NXN: variants seen among roughly 807,000 people sequenced by gnomAD.
NXN encodes the protein nucleoredoxin 1.
In NXN, 16 loss-of-function variants were observed where a neutral mutation model predicts 48.6. The observed-to-expected ratio is 0.33, with a 90% CI of 0.22 to 0.50. The LOEUF is 0.50. NXN is among the 20% of genes least tolerant of loss of function. The pLI is 0.98. For missense variants in NXN, 492 were observed against 605.5 expected (o/e 0.81, Z 1.97); for synonymous variants, 281 against 269.6 (o/e 1.04, Z -0.41).
chr17:888,409 T>C (rs951096325), intron 1 of NXN, among the ~76,000 whole-genome samples: 1 of 151,946 alleles, frequency 6.6e-6, no homozygotes, highest in Non-Finnish European at 1.5e-5. Flanking sequence ...TCTGTAGAGA[T>C]GGGGTCTCGC....
rs149675282 is a variant in NXN at position 958,632 on chromosome 17, G to A, written c.360+20687C>T. 8.7e-3 allele frequency among the ~76,000 whole-genome samples: 1,327 copies of A among 152,268 alleles called. 20 individuals carry two copies. The highest frequency in any genetic ancestry group is 0.03 in the African/African-American group (1,253 of 41,550). On this transcript the variant is annotated intron_variant, in intron 1 of 7. Transcript: ENST00000336868. This position sits in a 1 kb window ranked among gnomAD's most constrained non-coding sequence, Gnocchi z 6.9. The stretch of plus-strand genomic sequence containing the variant: ...CTAAAAATACAAAAATTAGCCAGGC[G>A]TGGTGGCGTGCGCCTGTAGTCCCAG...
intron 1 of NXN, among the ~76,000 whole-genome samples, chr17:900,752 CT>C (rs1381573940): frequency 5.3e-5 from 8 of 152,070 alleles, no homozygotes; most frequent in African/African-American, 1.9e-4. Context: ...AAAAAAGTAC[CT>C]TTTTTTCTCT....
intron 1 of NXN, among the ~76,000 whole-genome samples, chr17:852,017 TA>T (rs1848811574): frequency 6.6e-6 from 1 of 152,166 alleles, no homozygotes; most frequent in African/African-American, 2.4e-5. Flanking sequence ...GTAGCTCAAT[TA>T]GGGGCGCCAG....
intron 5 of NXN, among the ~76,000 whole-genome samples, chr17:812,692 A>G (rs372784590): frequency 3.9e-5 from 4 of 101,926 alleles, no homozygotes; most frequent in Admixed American, 1.1e-4. Flanking sequence ...GTGTGCACAT[A>G]TGAATGTAGG....
intron 1 of NXN, among the ~76,000 whole-genome samples, chr17:969,092 CCT>C (rs1314924204): frequency 4.6e-5 from 7 of 152,140 alleles, no homozygotes; most frequent in Non-Finnish European, 1.0e-4. Flanking sequence ...AGGCTGAATT[CCT>C]CTCTCTTATA....
intron 2 of NXN, among the ~76,000 whole-genome samples, chr17:824,061 G>A (rs1398926795): frequency 7.2e-6 from 1 of 138,206 alleles, no homozygotes; most frequent in African/African-American, 2.8e-5. Context: ...TTTTTTTGAG[G>A]TAGAGTCTCA....
chr17:910,706 A>C (rs2068627942), intron 1 of NXN: 1 of 152,164 alleles, frequency 6.6e-6, no homozygotes, highest in African/African-American at 2.4e-5. Context: ...TCTTCAAGTA[A>C]CTGTACTCCT....
chr17:951,967 A>C (rs184040857), intron 1 of NXN, among the ~76,000 whole-genome samples: 41 of 152,152 alleles, frequency 2.7e-4, no homozygotes, highest in African/African-American at 8.7e-4. Context: ...GCCTGCCCTG[A>C]CCTCAGTCCC....
intron 1 of NXN, among the ~76,000 whole-genome samples, chr17:971,801 A>G (rs924271782): frequency 1.3e-5 from 2 of 152,236 alleles, no homozygotes; most frequent in Non-Finnish European, 2.9e-5. Flanking sequence ...CGGTAAATTC[A>G]ATGCAACACA....
At chr17:945,774 C>CAATG (rs1355830695) in intron 1 of NXN, among the ~76,000 whole-genome samples, 1 of 152,174 alleles carries the variant, frequency 6.6e-6, no homozygotes, top group Non-Finnish European at 1.5e-5. Context: ...AAGCCAGGCC[C>CAATG]AATGCCTGGG....
chr17:805,030 C>CCCCCCCCCCCCCCCCCCCCCCCCCCCG, intron 6 of NXN, 38 bp downstream of exon 6: 1 of 1,517,868 alleles, frequency 6.6e-7, no homozygotes. Context: ...TCCCGCCCCC[C>CCCCCCCCCCCCCCCCCCCCCCCCCCCG]AGCCACCCCT....
At position 803,669 on chromosome 17, in the gene NXN, C is replaced by G; in HGVS notation, c.1125+13G>C. The G allele has an allele frequency of 6.2e-7, 1 of 1,614,114 alleles. No individual in the cohort carries two copies. The highest frequency in any genetic ancestry group is 8.5e-7 in the Non-Finnish European group (1 of 1,179,998). ...TGAGCCAGCCCTGGGCCAAGCCTCT[C>G]CTCCGCACTCACCTCCCCGGCTACG... On this transcript the variant is annotated intron_variant, in intron 7 of 7. Transcript: ENST00000336868.
At chr17:840,975 G>A (rs1204815921) in intron 1 of NXN, among the ~76,000 whole-genome samples, 4 of 152,208 alleles carry the variant, frequency 2.6e-5, no homozygotes, top group South Asian at 2.1e-4. Flanking sequence ...GCACGGCGGC[G>A]GGAGGCAGAG....
intron 1 of NXN, among the ~76,000 whole-genome samples, chr17:896,447 CAGTG>C (rs1036951606): frequency 2.0e-5 from 3 of 151,940 alleles, no homozygotes; most frequent in African/African-American, 7.3e-5. Context: ...TTTGAGATTA[CAGTG>C]AGCTGTGATC....
In NXN at chr17:910,635, G is replaced by A. The variant is rs9907824; in HGVS notation, c.360+68684C>T. ...TTTAAAAAAGCAACATACTTTCTAC[G>A]TACAGCATTATTGCTCCAATGAATT... On this transcript the variant is annotated intron_variant, in intron 1 of 7. Coordinates refer to ENST00000336868, the MANE Select transcript of NXN (RefSeq NM_022463.5). 1.6e-4 allele frequency: 24 copies of A among 152,100 alleles called. 1 individual carries two copies. Among genetic ancestry groups the A allele is most frequent in the Admixed American group, 2.6e-4 (4 of 15,260 alleles). 9.4% of individuals were successfully genotyped at this position (152,100 alleles called of 1,614,324 possible). A position where few individuals can be genotyped will look rare whatever the true frequency, so the allele number is the denominator to read the frequency against.
At chr17:882,600 G>A (rs1257246019) in intron 1 of NXN, among the ~76,000 whole-genome samples, 1 of 151,788 alleles carries the variant, frequency 6.6e-6, no homozygotes, top group East Asian at 1.9e-4. Flanking sequence ...CATGTAACTG[G>A]GACTTCAGGC....
At chr17:839,816 G>T (rs1179485095) in intron 1 of NXN, among the ~76,000 whole-genome samples, 2 of 70,302 alleles carry the variant, frequency 2.8e-5, no homozygotes, top group African/African-American at 7.6e-5. Flanking sequence ...AAAAAAAAAG[G>T]CCAGGCACGG....
intron 1 of NXN, among the ~76,000 whole-genome samples, chr17:946,638 G>A (rs2069046968): frequency 6.6e-6 from 1 of 152,204 alleles, no homozygotes; most frequent in Admixed American, 6.5e-5. Context: ...CTTCCCAAAA[G>A]TCCCAAAACC....
chr17:845,710 G>A (rs1597658010), intron 1 of NXN, among the ~76,000 whole-genome samples: 1 of 152,242 alleles, frequency 6.6e-6, no homozygotes, highest in Non-Finnish European at 1.5e-5. Context: ...GACACAGCCT[G>A]AGCCATAGGC....
Sources: gnomAD v4.1 joint callset for allele counts (sites outside exome capture counted in the v4.1 genomes callset) on GRCh38, gnomAD v4.1.1 for gene constraint, Gnocchi (gnomAD v3.1) non-coding constraint, MANE v1.5 for transcripts, NCBI Gene and HGNC (gene_info 2026-07-23, HGNC 2026-07-21) for gene names.